The following ERC2 variants were observed in gnomAD, a reference collection of about 807,000 sequenced individuals.
ERC2 encodes the protein ERC protein 2.
A neutral mutation model predicts 114.8 loss-of-function variants in ERC2; 42 were observed. The observed-to-expected ratio is 0.37, with a 90% CI of 0.29 to 0.47. The LOEUF (loss-of-function observed/expected upper bound fraction) is 0.47. Among genes scored for constraint, ERC2 ranks in the 20% least tolerant of loss-of-function variants. ERC2 has a pLI of 0.99. For synonymous variants in ERC2, 454 were observed against 425.5 expected, an observed-to-expected ratio of 1.07 and a Z score of -0.82; for missense variants, 939 against 1,150.7, an observed-to-expected ratio of 0.82 and a Z score of 2.66.
chr3:55,827,122 G>C (rs1368386891), intron 14 of ERC2, among the ~76,000 whole-genome samples: 4 of 152,128 alleles, frequency 2.6e-5, no homozygotes, highest in Non-Finnish European at 4.4e-5. Flanking sequence ...CTTGAGTAAG[G>C]AGCATTCTTT....
At chr3:55,793,713 T>C (rs2070245141) in intron 14 of ERC2, among the ~76,000 whole-genome samples, 1 of 152,186 alleles carries the variant, frequency 6.6e-6, no homozygotes, top group Non-Finnish European at 1.5e-5. Context: ...AACACTTCAC[T>C]TCCTATGAAA....
At chr3:56,007,411 T>C (rs943276273) in intron 9 of ERC2, 90 bp from the exon 10 acceptor site, 1 of 1,168,740 alleles carries the variant, frequency 8.6e-7, no homozygotes, top group Non-Finnish European at 1.2e-6. Flanking sequence ...TACATAGCAA[T>C]AAAGTGTGCA....
intron 1 of ERC2, among the ~76,000 whole-genome samples, chr3:56,444,247 A>G (rs1559511068): frequency 1.3e-5 from 2 of 151,744 alleles, no homozygotes; most frequent in Non-Finnish European, 2.9e-5. Context: ...CTGGGATTAC[A>G]GGCGTGAGCC....
At chr3:56,168,264 T>A (rs2082428366) in intron 4 of ERC2, among the ~76,000 whole-genome samples, 2 of 152,120 alleles carry the variant, frequency 1.3e-5, no homozygotes, top group Admixed American at 1.3e-4. Context: ...CCCTTATGTG[T>A]GGTAGTGATG....
chr3:56,026,383 T>G (rs1336635199), intron 7 of ERC2, among the ~76,000 whole-genome samples: 1 of 152,210 alleles, frequency 6.6e-6, no homozygotes, highest in Non-Finnish European at 1.5e-5. Flanking sequence ...ATCTCCATTC[T>G]TAAGCAACAT....
chr3:55,707,975 C>T (rs184063995), intron 15 of ERC2, among the ~76,000 whole-genome samples: 22 of 152,278 alleles, frequency 1.4e-4, no homozygotes, highest in African/African-American at 5.1e-4. Context: ...ACTGTGCAGC[C>T]TCCTTTGTAA....
chr3:55,621,262 T>C (rs1179471789), intron 17 of ERC2, among the ~76,000 whole-genome samples: 1 of 152,080 alleles, frequency 6.6e-6, no homozygotes, highest in Non-Finnish European at 1.5e-5. Flanking sequence ...ACCCAAGTGG[T>C]GGGCTGGTTA....
intron 5 of ERC2, among the ~76,000 whole-genome samples, chr3:56,140,498 T>C (rs1038546753): frequency 2.0e-5 from 3 of 152,196 alleles, no homozygotes; most frequent in African/African-American, 4.8e-5. Context: ...ATGTTGTACA[T>C]AGAGTTCATT....
chr3:55,579,289 A>G (rs925502479), intron 17 of ERC2, among the ~76,000 whole-genome samples: 2 of 152,296 alleles, frequency 1.3e-5, no homozygotes, highest in Admixed American at 1.3e-4. Flanking sequence ...TATAGTATAT[A>G]TAATTCACAA....
intron 17 of ERC2, among the ~76,000 whole-genome samples, chr3:55,600,351 G>C (rs761320788): frequency 7.2e-5 from 11 of 152,152 alleles, no homozygotes; most frequent in Non-Finnish European, 1.6e-4. Flanking sequence ...TTGACTTGTT[G>C]ATGTAAAGAA....
Position 56,405,063 on chromosome 3 carries a change from T to C in ERC2, c.657+29288A>G, listed in dbSNP as rs542208505. On this transcript the variant is annotated intron_variant, in intron 2 of 17. Transcript: ENST00000288221. ...GATGCAAATACAAATAGGTTGACTT[T>C]GGCCAAAGTAAAGGATGTGTGGGGA... Among the ~76,000 whole-genome samples the C allele has an allele frequency of 1.1e-4, 17 of 152,280 alleles. No individual in the cohort carries two copies. The South Asian group carries it at 3.5e-3, about 32-fold the overall frequency.
At chr3:56,399,675 AT>A (rs143630531) in intron 2 of ERC2, among the ~76,000 whole-genome samples, 35,046 of 151,944 alleles carry the variant, frequency 0.23, 4,653 homozygotes, top group Non-Finnish European at 0.29. Context: ...TTCTAAGCAC[AT>A]TTTTTATTCC....
intron 17 of ERC2, among the ~76,000 whole-genome samples, chr3:55,562,590 T>C (rs1413164888): frequency 1.3e-5 from 2 of 152,190 alleles, no homozygotes; most frequent in South Asian, 2.1e-4. Context: ...GTGTTTTGCA[T>C]ACTCTGCTTG....
chr3:55,934,372 G>A (rs1012865301), intron 13 of ERC2, among the ~76,000 whole-genome samples: 31 of 152,166 alleles, frequency 2.0e-4, no homozygotes, highest in African/African-American at 7.0e-4. Flanking sequence ...CAGTAATTGT[G>A]ACTGTCATTT....
intron 14 of ERC2, among the ~76,000 whole-genome samples, chr3:55,740,706 T>C (rs1006272650): frequency 6.6e-6 from 1 of 152,212 alleles, no homozygotes; most frequent in Non-Finnish European, 1.5e-5. Flanking sequence ...AGAATTAAAC[T>C]AAATCTTAAT....
Position 56,080,984 on chromosome 3 carries a change from C to A in ERC2, c.1474G>T (p.Val492Leu). 1 of 1,611,016 alleles carries A rather than the reference C, an allele frequency of 6.2e-7. No homozygotes were observed. Among genetic ancestry groups the A allele is most frequent in the South Asian group, 1.1e-5 (1 of 90,732 alleles). ...TCCAGTCGTAATCTCAGCGCATCTA[C>A]CTGAAATCAGGAAAAAGACAGAAGG... ...EQRAAILQTE[V>L]DALRLRLEEK... Residue 492 changes from valine to leucine, a missense_variant and splice_region_variant, in exon 7 of 18, where the codon GTA (valine) becomes TTA (leucine). By Grantham distance (32) the Val-to-Leu change is conservative (BLOSUM62 1). Around this residue, in one of 5 missense-constraint regions of ERC2, gnomAD observed 149 missense variants for 254.6 expected, o/e 0.59. Transcript: ENST00000288221.
chr3:55,776,575 G>A (rs1190092427), intron 14 of ERC2, among the ~76,000 whole-genome samples: 1 of 152,138 alleles, frequency 6.6e-6, no homozygotes, highest in Non-Finnish European at 1.5e-5. Flanking sequence ...AGAAATAGGC[G>A]TGAGTTACTC....
At chr3:56,394,412 A>G (rs1402647187) in intron 2 of ERC2, among the ~76,000 whole-genome samples, 3 of 152,186 alleles carry the variant, frequency 2.0e-5, no homozygotes, top group Admixed American at 6.6e-5. Context: ...TCACTGCACA[A>G]TATATTCTTA....
intron 2 of ERC2, among the ~76,000 whole-genome samples, chr3:56,421,533 G>A (rs966750654): frequency 2.6e-5 from 4 of 152,212 alleles, no homozygotes; most frequent in East Asian, 1.9e-4. Flanking sequence ...TCGCAACAGC[G>A]CAACTCTAGG....
Sources: gnomAD v4.1 joint callset for allele counts (sites outside exome capture counted in the v4.1 genomes callset) on GRCh38, gnomAD v4.1.1 for gene constraint, gnomAD v4.1.1 regional missense constraint, MANE v1.5 for transcripts, NCBI Gene and HGNC (gene_info 2026-07-23, HGNC 2026-07-21) for gene names.